ADAMTS15: variants seen among roughly 807,000 people sequenced by gnomAD.
ADAMTS15 encodes A disintegrin and metalloproteinase with thrombospondin motifs 15.
Under a neutral mutation model 79.1 loss-of-function variants are expected in ADAMTS15, and 35 were observed. The ratio of observed to expected loss-of-function variants is 0.44; its 90% confidence interval spans 0.34 to 0.59. ADAMTS15 has a LOEUF of 0.59. ADAMTS15 is among the 20% of genes least tolerant of loss of function. The pLI, the probability that ADAMTS15 is intolerant of heterozygous loss-of-function variation, is 0.02. For synonymous variants in ADAMTS15, 616 were observed against 567.3 expected (o/e 1.09, Z -1.22); for missense variants, 1,324 against 1,318.7 (o/e 1.00, Z -0.06).
intron 1 of ADAMTS15, among the ~76,000 whole-genome samples, chr11:130,454,089 A>G (rs534368997): frequency 1.3e-5 from 2 of 152,272 alleles, no homozygotes; most frequent in African/African-American, 4.8e-5. Flanking sequence ...AAGTGCTGAG[A>G]TTACAGGCGT....
Position 130,449,643 on chromosome 11 carries a change from G to C in ADAMTS15, c.670G>C (p.Val224Leu), listed in dbSNP as rs1302680818. The C allele has an allele frequency of 1.2e-6, 2 of 1,600,528 alleles. No individual in the cohort carries two copies. The highest frequency in any genetic ancestry group is 2.2e-5 in the South Asian group (2 of 89,232). The change falls in exon 1 of 8, where the codon GTG becomes CTG. Residue 224 changes from valine to leucine, a missense_variant. Physicochemically the swap from Val to Leu is conservative, Grantham distance 32. Coordinates refer to ENST00000299164, the MANE Select transcript of ADAMTS15 (RefSeq NM_139055.4). This position sits in a 1 kb window ranked among gnomAD's most constrained non-coding sequence, Gnocchi z 7.8. ...VSIPRYVETL[V>L]VADESMVKFH... is the part of the protein sequence containing the mutation. ...TATCCCGCGGTACGTGGAGACGCTG[G>C]TGGTCGCGGACGAGTCAATGGTCAA... is the stretch of plus-strand genomic sequence containing the variant.
At chr11:130,464,742 G>T (rs1010653359) in intron 4 of ADAMTS15, among the ~76,000 whole-genome samples, 2 of 152,138 alleles carry the variant, frequency 1.3e-5, no homozygotes, top group Non-Finnish European at 2.9e-5. Flanking sequence ...TGAGGCAAGA[G>T]GATCCCTTGA....
chr11:130,459,336 G>T (rs547711438), intron 1 of ADAMTS15, among the ~76,000 whole-genome samples: 1 of 152,206 alleles, frequency 6.6e-6, no homozygotes, highest in Non-Finnish European at 1.5e-5. Flanking sequence ...GGCTAATTTT[G>T]TTTATGTTTT....
intron 1 of ADAMTS15, among the ~76,000 whole-genome samples, chr11:130,454,064 C>T (rs912247198): frequency 3.9e-5 from 6 of 152,136 alleles, no homozygotes; most frequent in African/African-American, 1.2e-4. Flanking sequence ...GCGGTTTGCT[C>T]GCCTTGGCCT....
At chr11:130,461,033 C>T (rs73571224) in intron 1 of ADAMTS15, among the ~76,000 whole-genome samples, 4,532 of 152,242 alleles carry the variant, frequency 0.03, 222 homozygotes, top group African/African-American at 0.1. Flanking sequence ...TCATGGTTGG[C>T]CAAAAGGCAG....
In ADAMTS15 at chr11:130,457,864, C is replaced by A. The variant is rs963052640; in HGVS notation, c.958-3625C>A. Among the ~76,000 whole-genome samples the A allele has an allele frequency of 2.0e-5, 3 of 152,146 alleles. No homozygotes were observed. The East Asian group carries it at 5.8e-4, about 29-fold the overall frequency. ...CTGCCGGGGTGGGGAGGAGGACAGG[C>A]AGAGCTTCTGACCCCATACAGCTGT... is the stretch of plus-strand genomic sequence containing the variant. On this transcript the variant is annotated intron_variant, in intron 1 of 7. Transcript: ENST00000299164.
intron 1 of ADAMTS15, among the ~76,000 whole-genome samples, chr11:130,455,947 C>T (rs1938069943): frequency 1.3e-5 from 2 of 152,218 alleles, no homozygotes; most frequent in Non-Finnish European, 2.9e-5. Flanking sequence ...GCGAGGCCTT[C>T]CATTCTTGGG....
rs1938374287 is a variant in ADAMTS15, at chr11:130,469,353, AC to A, written c.1638del (p.Thr547ProfsTer12). The A allele has an allele frequency of 1.5e-6, 2 of 1,359,336 alleles. No individual in the cohort carries two copies. The highest frequency in any genetic ancestry group is 1.5e-5 in the African/African-American group (1 of 66,728). 84.2% of individuals were successfully genotyped at this position (1,359,336 alleles called of 1,614,324 possible). On this transcript the variant is annotated frameshift_variant, in exon 5 of 8. Transcript: ENST00000299164. LOFTEE classifies it high-confidence loss of function. ...GVQLARRQCT[N>X]PTPANGGKYC... ...CAGCTGGCCAGGAGGCAGTGCACCA[AC>A]CCCACCCCTGCCAACGGGGGCAAGT...
intron 4 of ADAMTS15, among the ~76,000 whole-genome samples, chr11:130,468,268 C>T (rs11222111): frequency 0.33 from 49,961 of 151,984 alleles, 8,970 homozygotes; most frequent in Middle Eastern, 0.44. Flanking sequence ...AGTGAAGCAC[C>T]GGAAAGCTAA....
chr11:130,471,097 C>A lies in ADAMTS15; in HGVS notation c.1898C>A (p.Pro633His). ...ACTGGCTACTTCTATGTGCTGGCACCCAAGGTGAGTGAGCCTGGGGCCTGA... is the reference window on the plus strand; with the variant it reads ...ACTGGCTACTTCTATGTGCTGGCACACAAGGTGAGTGAGCCTGGGGCCTGA... ...NGTGYFYVLA[P>H]KVVDGTLCSP... Residue 633 changes from proline (P) to histidine (H), a missense_variant, in exon 6 of 8, where the codon CCC becomes CAC. Physicochemically the swap from Pro to His is moderately conservative, Grantham distance 77 (BLOSUM62 -2). Coordinates refer to ENST00000299164, the MANE Select transcript of ADAMTS15 (RefSeq NM_139055.4). 6.2e-7 allele frequency: 1 copy of A among 1,612,410 alleles called. No homozygotes were observed. Among genetic ancestry groups the A allele is most frequent in the Non-Finnish European group, 8.5e-7 (1 of 1,179,126 alleles).
In ADAMTS15 at chr11:130,449,312, G is replaced by A. The variant is rs762890434; in HGVS notation, c.339G>A (p.Ser113=). 3 of 1,610,376 alleles carry A rather than the reference G, an allele frequency of 1.9e-6. No homozygotes were observed. Among genetic ancestry groups the A allele is most frequent in the Non-Finnish European group, 2.5e-6 (3 of 1,180,032 alleles). Residue 113 remains serine, a synonymous_variant, in exon 1 of 8, where the codon TCG becomes TCA. Transcript: ENST00000299164. This position sits in a 1 kb window ranked among gnomAD's most constrained non-coding sequence, Gnocchi z 7.8. ...GGGACGTGAACGCCGAGCCGGACTC[G>A]TTCGCTGCTGTGAGCCTGTGCGGGG... is the stretch of plus-strand genomic sequence containing the variant. The part of the protein sequence containing the change: ...YSGDVNAEPD[S]FAAVSLCGGL...
At position 130,473,548 on chromosome 11, in the gene ADAMTS15, G is replaced by A. The variant is rs778093693; in HGVS notation, c.2580G>A (p.Gln860=). The change falls in exon 8 of 8, where the codon CAG becomes CAA. Residue 860 remains glutamine (Q), a synonymous_variant. Coordinates refer to ENST00000299164, the MANE Select transcript of ADAMTS15 (RefSeq NM_139055.4). The part of the protein sequence containing the change: ...PCSASCGSGL[Q]KRAVDCRGSA... ...CCGCGAGCTGCGGCAGTGGCCTGCA[G>A]AAGCGGGCGGTGGACTGCCGGGGCT... 3 of 1,604,296 alleles carry A rather than the reference G, an allele frequency of 1.9e-6. No individual in the cohort carries two copies. Among genetic ancestry groups the A allele is most frequent in the Non-Finnish European group, 2.6e-6 (3 of 1,174,602 alleles).
chr11:130,472,503 C>G lies in ADAMTS15; in HGVS notation c.2079-544C>G, dbSNP rs1307389705. ...CTTAGAAATCATTTAGCTTAACCTA[C>G]TCATTATGCAGATGAGGACACCAGA... On this transcript the variant is annotated intron_variant, in intron 7 of 7. Transcript: ENST00000299164. This position sits in a 1 kb window ranked among gnomAD's most constrained non-coding sequence, Gnocchi z 4.7. Among the ~76,000 whole-genome samples the G allele has an allele frequency of 6.6e-6, 1 of 152,196 alleles. No individual in the cohort carries two copies. The highest frequency in any genetic ancestry group is 2.4e-5 in the African/African-American group (1 of 41,432).
At chr11:130,453,403 AT>A (rs1213643239) in intron 1 of ADAMTS15, among the ~76,000 whole-genome samples, 3 of 112,366 alleles carry the variant, frequency 2.7e-5, no homozygotes, top group African/African-American at 6.7e-5. Context: ...TTATTTCTTT[AT>A]TTTTTTTAGG....
chr11:130,460,956 C>T (rs1286038231), intron 1 of ADAMTS15, among the ~76,000 whole-genome samples: 1 of 152,194 alleles, frequency 6.6e-6, no homozygotes, highest in African/African-American at 2.4e-5. Flanking sequence ...ATGCTTCCTC[C>T]CAGCCTGATC....
chr11:130,459,103 G>A (rs1235078340), intron 1 of ADAMTS15, among the ~76,000 whole-genome samples: 5 of 139,442 alleles, frequency 3.6e-5, no homozygotes, highest in Admixed American at 3.0e-4. Context: ...GCGTGATCAC[G>A]GGTCACTGTA....
At chr11:130,468,926 G>C (rs548243651) in intron 4 of ADAMTS15, among the ~76,000 whole-genome samples, 119 of 106,976 alleles carry the variant, frequency 1.1e-3, no homozygotes, top group African/African-American at 4.6e-3. Context: ...AAAAGAGGGA[G>C]ACTCCACCTC....
Position 130,471,070 on chromosome 11 carries a change from G to A in ADAMTS15, c.1871G>A (p.Gly624Asp), listed in dbSNP as rs1481199458. 8 of 1,614,052 alleles carry A rather than the reference G, an allele frequency of 5.0e-6. No individual in the cohort carries two copies. Among genetic ancestry groups the A allele is most frequent in the Non-Finnish European group, 6.8e-6 (8 of 1,179,988 alleles). The part of the protein sequence containing the change: ...DKCKLICRAN[G>D]TGYFYVLAPK... The stretch of plus-strand genomic sequence containing the variant: ...TGCAAGCTCATCTGCCGAGCCAATG[G>A]CACTGGCTACTTCTATGTGCTGGCA... The change falls in exon 6 of 8, where the codon GGC (glycine) becomes GAC (aspartate). Residue 624 changes from glycine (G) to aspartate (D), a missense_variant. Transcript: ENST00000299164.
chr11:130,467,790 A>AG (rs1938332982), intron 4 of ADAMTS15, among the ~76,000 whole-genome samples: 1 of 152,132 alleles, frequency 6.6e-6, no homozygotes, highest in Non-Finnish European at 1.5e-5. Flanking sequence ...CCTAAAAAAA[A>AG]AAAAAAGTCC....
Sources: allele counts gnomAD v4.1 joint callset (sites outside exome capture counted in the v4.1 genomes callset), GRCh38; gene constraint gnomAD v4.1.1; non-coding constraint Gnocchi (gnomAD v3.1); transcripts MANE v1.5; gene names NCBI Gene and HGNC (gene_info 2026-07-23, HGNC 2026-07-21).